The following CSPP1 variants were observed in gnomAD, a reference collection of about 807,000 sequenced individuals.
CSPP1 encodes centrosome and spindle pole-associated protein 1.
A neutral mutation model predicts 164.4 loss-of-function variants in CSPP1; 126 were observed. The observed-to-expected ratio is 0.77, with a 90% CI of 0.66 to 0.89. CSPP1 has a LOEUF of 0.89. Ranked by LOEUF, CSPP1 falls within the 40% of genes least tolerant of loss-of-function variation. CSPP1 has a pLI of 0.00. For missense variants in CSPP1, 1,395 were observed against 1,449.8 expected (o/e 0.96, Z 0.61); for synonymous variants, 472 against 476.7 (o/e 0.99, Z 0.13).
chr8:67,189,151 CT>C (rs1275839951), intron 28 of CSPP1, among the ~76,000 whole-genome samples: 1 of 152,202 alleles, frequency 6.6e-6, no homozygotes, highest in Non-Finnish European at 1.5e-5. Context: ...AATAGGAACT[CT>C]CATTCATTGC....
At chr8:67,086,431 A>G (rs1810417150) in intron 4 of CSPP1, among the ~76,000 whole-genome samples, 1 of 151,756 alleles carries the variant, frequency 6.6e-6, no homozygotes. Flanking sequence ...ATGGTTTCCC[A>G]CTCTTCTACA....
rs113048151 is a variant in CSPP1 at position 67,190,512 on chromosome 8, G to A, written c.3221-138G>A. 0.024 allele frequency: 15,182 copies of A among 635,498 alleles called. 253 individuals are homozygous for A. The highest frequency in any genetic ancestry group is 0.031 in the Non-Finnish European group (10,914 of 351,826). The allele number at this position is 635,498 out of a possible 1,614,324, so 39.4% of individuals were successfully genotyped here. A position where few individuals can be genotyped will look rare whatever the true frequency, so the allele number is the denominator to read the frequency against. On this transcript the variant is annotated intron_variant, in intron 28 of 30. Transcript: ENST00000678616. ...CTGTAAATTTACTAAAAAAATCACC[G>A]AACTGTGTATGTACATACATTGAGT...
At chr8:67,100,999 T>C (rs59335949) in intron 7 of CSPP1, among the ~76,000 whole-genome samples, 1 of 151,962 alleles carries the variant, frequency 6.6e-6, no homozygotes, top group South Asian at 2.1e-4. Flanking sequence ...AATGATACAA[T>C]GCAAAATCAG....
At chr8:67,190,390 G>A (rs900962755) in intron 28 of CSPP1, among the ~76,000 whole-genome samples, 6 of 152,012 alleles carry the variant, frequency 3.9e-5, no homozygotes, top group Non-Finnish European at 2.9e-5. Flanking sequence ...AGCCGTGTTT[G>A]CCCGGGGCCA....
chr8:67,115,711 T>C (rs1817801580), intron 12 of CSPP1, among the ~76,000 whole-genome samples: 1 of 152,054 alleles, frequency 6.6e-6, no homozygotes, highest in South Asian at 2.1e-4. Context: ...TAGATAGATA[T>C]TCAGAGTCTT....
chr8:67,107,276 G>C (rs1373096426), intron 9 of CSPP1, among the ~76,000 whole-genome samples: 1 of 152,126 alleles, frequency 6.6e-6, no homozygotes, highest in Non-Finnish European at 1.5e-5. Flanking sequence ...TCAAACTCCT[G>C]ACCTCAAGTG....
At chr8:67,105,574 G>A (rs968283702) in intron 8 of CSPP1, among the ~76,000 whole-genome samples, 2 of 151,764 alleles carry the variant, frequency 1.3e-5, no homozygotes, top group South Asian at 2.1e-4. Flanking sequence ...ATTAGAGACG[G>A]GGTTTCACCA....
chr8:67,123,759 A>G (rs574669109), intron 15 of CSPP1, among the ~76,000 whole-genome samples: 1 of 151,716 alleles, frequency 6.6e-6, no homozygotes, highest in South Asian at 2.1e-4. Flanking sequence ...CTACAGGCAC[A>G]TGCCACCACG....
At chr8:67,146,218 G>C (rs1286213008) in intron 17 of CSPP1, among the ~76,000 whole-genome samples, 1 of 151,010 alleles carries the variant, frequency 6.6e-6, no homozygotes, top group Non-Finnish European at 1.5e-5. Context: ...AACCTCCCTG[G>C]CTAAAGTGAT....
intron 28 of CSPP1, among the ~76,000 whole-genome samples, chr8:67,185,060 G>A (rs1834160441): frequency 6.8e-6 from 1 of 147,460 alleles, no homozygotes; most frequent in Non-Finnish European, 1.5e-5. Context: ...AGCTGAGATC[G>A]CACCACTGCA....
intron 28 of CSPP1, among the ~76,000 whole-genome samples, chr8:67,184,379 GAGA>G (rs1196760839): frequency 2.6e-5 from 4 of 152,156 alleles, no homozygotes; most frequent in Non-Finnish European, 5.9e-5. Flanking sequence ...AGTTATTTCT[GAGA>G]AGATCAGTAA....
chr8:67,177,571 A>T, intron 26 of CSPP1, 109 bp from the exon 27 acceptor site: 1 of 694,388 alleles, frequency 1.4e-6, no homozygotes. Context: ...GTGATAGTTG[A>T]AAAGTAATTT....
intron 15 of CSPP1, among the ~76,000 whole-genome samples, chr8:67,124,958 C>T (rs1819776553): frequency 6.6e-6 from 1 of 152,088 alleles, no homozygotes; most frequent in African/African-American, 2.4e-5. Context: ...TAGATGTGAG[C>T]CATTGTGCCC....
intron 15 of CSPP1, among the ~76,000 whole-genome samples, chr8:67,127,902 G>T (rs1033754263): frequency 1.3e-5 from 2 of 152,148 alleles, no homozygotes; most frequent in African/African-American, 4.8e-5. Flanking sequence ...TCAAATATTT[G>T]TTTGTTTCCA....
intron 10 of CSPP1, among the ~76,000 whole-genome samples, chr8:67,112,534 C>T (rs1450612997): frequency 6.6e-6 from 1 of 152,090 alleles, no homozygotes; most frequent in East Asian, 1.9e-4. Flanking sequence ...ATTAATAGCC[C>T]AATAATGGAG....
intron 9 of CSPP1, among the ~76,000 whole-genome samples, chr8:67,107,483 T>C (rs1172898538): frequency 6.6e-6 from 1 of 152,246 alleles, no homozygotes; most frequent in African/African-American, 2.4e-5. Context: ...TTATCACTAA[T>C]GCAATCCAGG....
At chr8:67,112,444 CA>C (rs939748983) in intron 10 of CSPP1, among the ~76,000 whole-genome samples, 4 of 150,560 alleles carry the variant, frequency 2.7e-5, no homozygotes, top group African/African-American at 4.9e-5. Context: ...CACATACATG[CA>C]AAAAAAATTG....
At chr8:67,106,114 A>G (rs1165068226) in intron 9 of CSPP1, 139 bp downstream of exon 9, 2 of 581,206 alleles carry the variant, frequency 3.4e-6, no homozygotes, top group East Asian at 2.9e-5. Context: ...TACACTAGGT[A>G]CTATTCTAAT....
Position 67,118,326 on chromosome 8 carries a change from T to C in CSPP1, c.1575T>C (p.Tyr525=). The C allele has an allele frequency of 6.2e-7, 1 of 1,613,614 alleles. No homozygotes were observed. Among genetic ancestry groups the C allele is most frequent in the East Asian group, 2.2e-5 (1 of 44,840 alleles). ...NYRTPYDDAY[Y]FYGSRNTFDP... is the part of the protein sequence containing the mutation. ...GAACTCCTTATGATGATGCATACTA[T>C]TTTTATGGGTCCAGGAATACTTTCG... The change falls in exon 14 of 31, where the codon TAT becomes TAC. Residue 525 remains tyrosine (Y), a synonymous_variant. Transcript: ENST00000678616.
Sources: allele counts gnomAD v4.1 joint callset (sites outside exome capture counted in the v4.1 genomes callset), GRCh38; gene constraint gnomAD v4.1.1; transcripts MANE v1.5; gene names NCBI Gene and HGNC (gene_info 2026-07-23, HGNC 2026-07-21).